SLC16A7: variants seen among roughly 807,000 people sequenced by gnomAD.
SLC16A7 encodes monocarboxylate transporter 2.
A neutral mutation model predicts 34.9 loss-of-function variants in SLC16A7; 33 were observed. The observed-to-expected ratio is 0.94, with a 90% CI of 0.72 to 1.26. The LOEUF is 1.26. Ranked by LOEUF, SLC16A7 falls within the 50% of genes most tolerant of loss-of-function variation. The probability of loss-of-function intolerance (pLI) is 0.00; values close to 1 mark genes in which losing one functional copy is unlikely to be tolerated. For missense variants in SLC16A7, 573 were observed against 578.1 expected (o/e 0.99, Z 0.09); for synonymous variants, 201 against 206.6 (o/e 0.97, Z 0.23).
intron 3 of SLC16A7, among the ~76,000 whole-genome samples, chr12:59,765,601 A>C (rs1392647926): frequency 6.6e-6 from 1 of 152,158 alleles, no homozygotes; most frequent in Non-Finnish European, 1.5e-5. Flanking sequence ...TCCTTTCCCC[A>C]TTTCTTGATT....
chr12:59,668,724 G>A (rs908008371), intron 2 of SLC16A7, among the ~76,000 whole-genome samples: 1 of 152,112 alleles, frequency 6.6e-6, no homozygotes, highest in African/African-American at 2.4e-5. Flanking sequence ...ATGTGAAAAC[G>A]ACATGAAATT....
rs140249628 is a variant in SLC16A7, at chr12:59,692,699, G to T, written c.-30-12073G>T. ...TTAGTTTGACCCTTATTGCCAGTTA[G>T]CATTCTCAAAGTCATTTAACCACCG... On this transcript the variant is annotated intron_variant, in intron 2 of 5. Transcript: ENST00000547379. Among the ~76,000 whole-genome samples the T allele has an allele frequency of 3.3e-3, 509 of 152,040 alleles. 2 individuals are homozygous for T. Among genetic ancestry groups the T allele is most frequent in the African/African-American group, 0.012 (485 of 41,492 alleles).
intron 1 of SLC16A7, among the ~76,000 whole-genome samples, chr12:59,605,206 T>G (rs913332526): frequency 3.3e-5 from 5 of 152,174 alleles, no homozygotes; most frequent in African/African-American, 9.6e-5. Flanking sequence ...CAACATAAAG[T>G]CAACAGGAAT....
At chr12:59,627,361 A>C (rs1186758953) in intron 1 of SLC16A7, among the ~76,000 whole-genome samples, 1 of 151,932 alleles carries the variant, frequency 6.6e-6, no homozygotes, top group Non-Finnish European at 1.5e-5. Context: ...CTTGTGCTGT[A>C]TAAAGTATAC....
At chr12:59,686,398 C>T (rs930990424) in intron 2 of SLC16A7, among the ~76,000 whole-genome samples, 2 of 151,932 alleles carry the variant, frequency 1.3e-5, no homozygotes, top group Non-Finnish European at 2.9e-5. Flanking sequence ...TTGGCCAAAA[C>T]GTTACAACAC....
chr12:59,603,978 A>T (rs542770345), intron 1 of SLC16A7, among the ~76,000 whole-genome samples: 104 of 152,272 alleles, frequency 6.8e-4, no homozygotes, highest in African/African-American at 2.4e-3. Context: ...TCCCTTTCTC[A>T]TTTGAATGAC....
chr12:59,664,428 G>C (rs1460119128), intron 2 of SLC16A7, among the ~76,000 whole-genome samples: 1 of 152,066 alleles, frequency 6.6e-6, no homozygotes, highest in Non-Finnish European at 1.5e-5. Context: ...TCAAGAAATA[G>C]ATTAAACTGG....
intron 3 of SLC16A7, among the ~76,000 whole-genome samples, chr12:59,752,838 T>A (rs1879754142): frequency 6.6e-6 from 1 of 152,090 alleles, no homozygotes; most frequent in South Asian, 2.1e-4. Flanking sequence ...GGAAAAAATG[T>A]TAAGGGCAGC....
In SLC16A7 at chr12:59,705,019, G is replaced by T; in HGVS notation, c.217+1G>T. 6.3e-7 allele frequency: 1 copy of T among 1,591,920 alleles called. No homozygotes were observed. The highest frequency in any genetic ancestry group is 8.6e-7 in the Non-Finnish European group (1 of 1,160,404). ...ATGCTGGCTGTTATGTACGCAGGAG[G>T]TAAGCTTCTTGCAATAAATAGAATC... On this transcript the variant is annotated splice_donor_variant, in intron 3 of 5. Transcript: ENST00000547379. LOFTEE classifies it high-confidence loss of function.
intron 1 of SLC16A7, among the ~76,000 whole-genome samples, chr12:59,613,269 AACTC>A (rs1245835953): frequency 6.6e-6 from 1 of 152,234 alleles, no homozygotes; most frequent in Non-Finnish European, 1.5e-5. Flanking sequence ...ATCTTGTGAG[AACTC>A]ACTCACTATC....
At chr12:59,749,082 A>G (rs1879213486) in intron 3 of SLC16A7, among the ~76,000 whole-genome samples, 1 of 152,220 alleles carries the variant, frequency 6.6e-6, no homozygotes, top group Non-Finnish European at 1.5e-5. Flanking sequence ...TGCAGACAAA[A>G]GTACACTAGT....
At chr12:59,683,286 G>A (rs1870891825) in intron 2 of SLC16A7, among the ~76,000 whole-genome samples, 1 of 152,080 alleles carries the variant, frequency 6.6e-6, no homozygotes, top group Non-Finnish European at 1.5e-5. Flanking sequence ...TCAAATTTTG[G>A]TATGCCTTCT....
At chr12:59,597,590 G>A (rs1415282403) in intron 1 of SLC16A7, among the ~76,000 whole-genome samples, 1 of 152,206 alleles carries the variant, frequency 6.6e-6, no homozygotes, top group Admixed American at 6.5e-5. Context: ...ATTTGGTGGA[G>A]TGTGGCTGAA....
chr12:59,683,977 T>C (rs912401842), intron 2 of SLC16A7, among the ~76,000 whole-genome samples: 1 of 152,192 alleles, frequency 6.6e-6, no homozygotes, highest in Non-Finnish European at 1.5e-5. Flanking sequence ...TAGAAAGCTA[T>C]AGCTCATCTT....
rs192539778 is a variant in SLC16A7, at chr12:59,698,124, T to C, written c.-30-6648T>C. Among the ~76,000 whole-genome samples the C allele has an allele frequency of 1.1e-3, 163 of 151,810 alleles. 2 individuals are homozygous for C. Among genetic ancestry groups the C allele is most frequent in the African/African-American group, 3.7e-3 (155 of 41,516 alleles). On this transcript the variant is annotated intron_variant, in intron 2 of 5. Transcript: ENST00000547379. ...AATCTATGTTTTCCTACGATTCAAA[T>C]TGAAATCAGAACTATAAGAAAAGTA...
In SLC16A7 at chr12:59,730,835, T is replaced by C. The variant is rs1310907752; in HGVS notation, c.217+25817T>C. Among the ~76,000 whole-genome samples the C allele has an allele frequency of 2.6e-5, 4 of 152,318 alleles. No homozygotes were observed. In the East Asian group the frequency reaches 5.8e-4, roughly 22 times the overall value. On this transcript the variant is annotated intron_variant, in intron 3 of 5. Transcript: ENST00000547379. ...TGTTATTAGATTTAAGAAAGTTTCATGGTCTCTGAGAGACTTGCTCTCAAG... is the reference window on the plus strand; with the variant it reads ...TGTTATTAGATTTAAGAAAGTTTCACGGTCTCTGAGAGACTTGCTCTCAAG...
chr12:59,779,642 C>A lies in SLC16A7; in HGVS notation c.1400C>A (p.Ala467Glu), dbSNP rs1281945697. ...GATGTTAACGTCAAAGTTTCAAATG[C>A]ACAGAGTGTAACCTCAGAAAGAGAA... is the stretch of plus-strand genomic sequence containing the variant. ...SEDVNVKVSN[A>E]QSVTSERETN... The change falls in exon 6 of 6, where the codon GCA (alanine) becomes GAA (glutamate). Residue 467 changes from alanine (A) to glutamate (E), a missense_variant. Physicochemically the swap from Ala to Glu is moderately radical, Grantham distance 107 (BLOSUM62 -1). Transcript: ENST00000547379. 6.2e-7 allele frequency: 1 copy of A among 1,611,112 alleles called. No homozygotes were observed. Among genetic ancestry groups the A allele is most frequent in the Non-Finnish European group, 8.5e-7 (1 of 1,177,848 alleles).
chr12:59,766,074 T>C (rs1463796678), intron 3 of SLC16A7, among the ~76,000 whole-genome samples: 1 of 152,170 alleles, frequency 6.6e-6, no homozygotes, highest in Non-Finnish European at 1.5e-5. Flanking sequence ...GATTCCTAGG[T>C]ATTTTAATTC....
intron 1 of SLC16A7, among the ~76,000 whole-genome samples, chr12:59,602,241 A>G (rs1878719179): frequency 2.0e-5 from 3 of 152,184 alleles, no homozygotes; most frequent in Admixed American, 6.5e-5. Context: ...AGTAAGGCAT[A>G]ACAACTGTTA....
Sources: gnomAD v4.1 joint callset for allele counts (sites outside exome capture counted in the v4.1 genomes callset) on GRCh38, gnomAD v4.1.1 for gene constraint, MANE v1.5 for transcripts, NCBI Gene and HGNC (gene_info 2026-07-23, HGNC 2026-07-21) for gene names.